CACNA1C: variants seen among roughly 807,000 people sequenced by gnomAD.
CACNA1C encodes voltage-dependent L-type calcium channel subunit alpha-1C.
In CACNA1C, 30 loss-of-function variants were observed where a neutral mutation model predicts 229.0. That is an observed-to-expected ratio of 0.13 (90% CI 0.10 to 0.18). CACNA1C has a LOEUF of 0.18. Ranked by LOEUF, CACNA1C falls within the 10% of genes least tolerant of loss-of-function variation. The pLI, the probability that CACNA1C is intolerant of heterozygous loss-of-function variation, is 1.00. For synonymous variants in CACNA1C, 1,114 were observed against 1,132.5 expected, an observed-to-expected ratio of 0.98 and a Z score of 0.33; for missense variants, 1,658 against 2,845.0, an observed-to-expected ratio of 0.58 and a Z score of 9.49.
intron 3 of CACNA1C, among the ~76,000 whole-genome samples, chr12:2,335,018 G>T (rs1451806099): frequency 6.6e-6 from 1 of 152,096 alleles, no homozygotes; most frequent in Non-Finnish European, 1.5e-5. Flanking sequence ...CCCATTCCAG[G>T]GACTCCCACG....
intron 3 of CACNA1C, among the ~76,000 whole-genome samples, chr12:2,374,446 C>A (rs1163843218): frequency 6.6e-6 from 1 of 152,232 alleles, no homozygotes; most frequent in East Asian, 1.9e-4. Context: ...ACTCAATATT[C>A]CAGCCATGGC....
rs1465603066 is a variant in CACNA1C, at chr12:2,632,969, C to T, written c.3829-1328C>T. ...CCTGGAAACACTGGGGCACCCAGTG[C>T]AGGAACTAGGGTACCCTGATTTGAT... On this transcript the variant is annotated intron_variant, in intron 29 of 46. Transcript: ENST00000399655. This position sits in a 1 kb window ranked among gnomAD's most constrained non-coding sequence, Gnocchi z 4.1. Among the ~76,000 whole-genome samples the T allele has an allele frequency of 6.6e-6, 1 of 152,136 alleles. No individual in the cohort carries two copies. Among genetic ancestry groups the T allele is most frequent in the Non-Finnish European group, 1.5e-5 (1 of 68,000 alleles).
In CACNA1C at chr12:2,651,909, C is replaced by G; in HGVS notation, c.4074+141C>G. ...GGCAGAACTCGGCCGCTCTGCCTGG[C>G]TCCCTGTTTCCGCACCGAGAGGCCT... On this transcript the variant is annotated intron_variant, in intron 32 of 46. Coordinates refer to ENST00000399655, the MANE Select transcript of CACNA1C (RefSeq NM_000719.7). The surrounding 1 kb of genome is among the most constrained non-coding windows in gnomAD (Gnocchi z 5.4). The G allele has an allele frequency of 1.5e-6, 1 of 677,158 alleles. No individual in the cohort carries two copies. Among genetic ancestry groups the G allele is most frequent in the African/African-American group, 1.8e-5 (1 of 55,324 alleles). The allele number at this position is 677,158 out of a possible 1,614,324, so 41.9% of individuals were successfully genotyped here.
At chr12:2,462,375 C>T (rs368462506) in intron 5 of CACNA1C, among the ~76,000 whole-genome samples, 1,799 of 132,664 alleles carry the variant, frequency 0.014, 38 homozygotes, top group African/African-American at 0.045. Context: ...CGTACCTCCT[C>T]GGCCCCCGCT....
At chr12:2,650,544 G>A (rs981646684) in intron 31 of CACNA1C, among the ~76,000 whole-genome samples, 20 of 152,150 alleles carry the variant, frequency 1.3e-4, no homozygotes, top group Admixed American at 1.3e-3. Flanking sequence ...CACTAGCTCC[G>A]GATTTGGCAG....
chr12:2,638,179 T>C (rs1358517171), intron 30 of CACNA1C, among the ~76,000 whole-genome samples: 1 of 152,218 alleles, frequency 6.6e-6, no homozygotes, highest in Non-Finnish European at 1.5e-5. Flanking sequence ...TACGGTGTGT[T>C]AGAAGATGAT....
intron 3 of CACNA1C, among the ~76,000 whole-genome samples, chr12:2,160,780 A>G (rs1292197965): frequency 6.6e-6 from 1 of 152,218 alleles, no homozygotes; most frequent in East Asian, 1.9e-4. Flanking sequence ...CTTTCCAGTG[A>G]AAGAGTATCG....
At chr12:2,147,954 A>G (rs1285690266) in intron 3 of CACNA1C, among the ~76,000 whole-genome samples, 2 of 151,346 alleles carry the variant, frequency 1.3e-5, no homozygotes, top group Non-Finnish European at 3.0e-5. Context: ...GGAGGATGCT[A>G]GGAATGGGAA....
chr12:2,411,370 A>C (rs564763085), intron 3 of CACNA1C, among the ~76,000 whole-genome samples: 1 of 152,246 alleles, frequency 6.6e-6, no homozygotes, highest in Non-Finnish European at 1.5e-5. Context: ...ACCTGTTAGA[A>C]TTAGGGAGTG....
intron 1 of CACNA1C, among the ~76,000 whole-genome samples, chr12:2,104,152 A>T (rs1048002667): frequency 4.6e-5 from 7 of 152,220 alleles, no homozygotes; most frequent in Non-Finnish European, 8.8e-5. Flanking sequence ...CATTATATCT[A>T]TAAATTACTT....
chr12:2,084,271 A>T (rs904136524), intron 1 of CACNA1C, among the ~76,000 whole-genome samples: 5 of 152,168 alleles, frequency 3.3e-5, no homozygotes, highest in African/African-American at 1.2e-4. Context: ...AGTTCCAGGG[A>T]AGGGGACCTC....
At chr12:2,393,069 C>G (rs936206585) in intron 3 of CACNA1C, among the ~76,000 whole-genome samples, 1 of 152,194 alleles carries the variant, frequency 6.6e-6, no homozygotes, top group Non-Finnish European at 1.5e-5. Flanking sequence ...CCAGACCTCA[C>G]CCTGGGAGCT....
chr12:2,492,094 C>G (rs2099736576), intron 6 of CACNA1C, among the ~76,000 whole-genome samples: 1 of 152,102 alleles, frequency 6.6e-6, no homozygotes, highest in Non-Finnish European at 1.5e-5. Flanking sequence ...AAGGACAGGA[C>G]AATGTCCTTG....
chr12:2,004,544 A>G (rs2043003911), intron 1 of CACNA1C: 1 of 1,456,100 alleles, frequency 6.9e-7, no homozygotes, highest in Non-Finnish European at 9.1e-7. Context: ...ACGGCCCGGG[A>G]GGCCTTCCGG....
intron 3 of CACNA1C, among the ~76,000 whole-genome samples, chr12:2,262,657 G>T (rs1459345889): frequency 1.3e-5 from 2 of 152,202 alleles, no homozygotes; most frequent in Non-Finnish European, 2.9e-5. Context: ...GCATCCAGGA[G>T]CCAGAGGGAT....
intron 3 of CACNA1C, among the ~76,000 whole-genome samples, chr12:2,125,318 G>A (rs1159984643): frequency 1.3e-5 from 2 of 152,236 alleles, no homozygotes; most frequent in Non-Finnish European, 2.9e-5. Flanking sequence ...TACGAGAAGA[G>A]GATATTGATC....
intron 1 of CACNA1C, among the ~76,000 whole-genome samples, chr12:2,100,585 A>AG (rs2075999045): frequency 7.1e-6 from 1 of 140,428 alleles, no homozygotes; most frequent in African/African-American, 2.8e-5. Flanking sequence ...TTTCTACCAA[A>AG]AAAAAAAAAA....
chr12:2,502,439 G>A (rs2099762661), intron 7 of CACNA1C, among the ~76,000 whole-genome samples: 1 of 152,238 alleles, frequency 6.6e-6, no homozygotes, highest in Non-Finnish European at 1.5e-5. Flanking sequence ...CAGTTACCAA[G>A]TGAGAAGTGC....
At chr12:2,308,291 A>G (rs910636194) in intron 3 of CACNA1C, among the ~76,000 whole-genome samples, 4 of 152,208 alleles carry the variant, frequency 2.6e-5, no homozygotes, top group South Asian at 2.1e-4. Flanking sequence ...AATATATTAT[A>G]TATTTTGGAT....
Sources: allele counts gnomAD v4.1 joint callset (sites outside exome capture counted in the v4.1 genomes callset), GRCh38; gene constraint gnomAD v4.1.1; non-coding constraint Gnocchi (gnomAD v3.1); transcripts MANE v1.5; gene names NCBI Gene and HGNC (gene_info 2026-07-23, HGNC 2026-07-21).